DGKI: variants seen among roughly 807,000 people sequenced by gnomAD.
DGKI encodes diacylglycerol kinase iota.
A neutral mutation model predicts 147.5 loss-of-function variants in DGKI; 55 were observed. The observed-to-expected ratio is 0.37, with a 90% CI of 0.30 to 0.47. The LOEUF is 0.47. Ranked by LOEUF, DGKI falls within the 20% of genes least tolerant of loss-of-function variation. The pLI is 1.00. For missense variants in DGKI, 1,007 were observed against 1,323.8 expected (o/e 0.76, Z 3.71); for synonymous variants, 469 against 477.1 (o/e 0.98, Z 0.22).
chr7:137,580,709 G>T (rs899554539), intron 15 of DGKI, among the ~76,000 whole-genome samples: 1 of 152,094 alleles, frequency 6.6e-6, no homozygotes. Flanking sequence ...TTTTAATCCT[G>T]TAGCATCACT....
intron 1 of DGKI, among the ~76,000 whole-genome samples, chr7:137,749,467 C>A (rs1019876987): frequency 6.6e-6 from 1 of 152,162 alleles, no homozygotes; most frequent in South Asian, 2.1e-4. Context: ...CCCACCTGAT[C>A]CAGGATCTAT....
intron 6 of DGKI, among the ~76,000 whole-genome samples, chr7:137,628,086 G>A (rs911408932): frequency 2.0e-5 from 3 of 152,138 alleles, no homozygotes; most frequent in Middle Eastern, 3.4e-3. Flanking sequence ...CCACCATCTC[G>A]CCGAGAAAGC....
rs187206631 is a variant in DGKI at position 137,711,277 on chromosome 7, A to T, written c.402-21275T>A. Among the ~76,000 whole-genome samples the T allele has an allele frequency of 3.0e-3, 454 of 152,348 alleles. 1 individual carries two copies. The highest frequency in any genetic ancestry group is 1.8e-3 in the Non-Finnish European group (124 of 68,038). ...GCACCCTAGATAATCTCTGGTATAT[A>T]CACACAAGATGATAGTTAAAATATC... On this transcript the variant is annotated intron_variant, in intron 1 of 32. Transcript: ENST00000614521.
At chr7:137,592,302 A>G (rs915866111) in intron 12 of DGKI, among the ~76,000 whole-genome samples, 5 of 152,234 alleles carry the variant, frequency 3.3e-5, no homozygotes, top group Admixed American at 1.3e-4. Context: ...ATTTTCCACC[A>G]GAACTGAAGA....
intron 19 of DGKI, among the ~76,000 whole-genome samples, chr7:137,556,677 A>C (rs1585227848): frequency 6.6e-6 from 1 of 152,352 alleles, no homozygotes; most frequent in East Asian, 1.9e-4. Flanking sequence ...GGAAGACTTA[A>C]GTAAATGGAG....
At chr7:137,613,233 C>A (rs556062862) in intron 8 of DGKI, among the ~76,000 whole-genome samples, 2 of 152,220 alleles carry the variant, frequency 1.3e-5, no homozygotes, top group East Asian at 1.9e-4. Context: ...AAGTCTCCCC[C>A]CCATCATATA....
intron 31 of DGKI, 26 bp from the exon 32 acceptor site, chr7:137,395,723 C>A: frequency 6.2e-7 from 1 of 1,610,294 alleles, no homozygotes; most frequent in Non-Finnish European, 8.5e-7. Context: ...AATGGGAAAC[C>A]ACCCATAAAG....
chr7:137,519,510 C>G (rs1684434268), intron 21 of DGKI, among the ~76,000 whole-genome samples: 1 of 152,098 alleles, frequency 6.6e-6, no homozygotes, highest in African/African-American at 2.4e-5. Flanking sequence ...AGGATTCACT[C>G]TCTTTGTTCT....
chr7:137,678,544 A>C lies in DGKI; in HGVS notation c.606+13T>G. The stretch of plus-strand genomic sequence containing the variant: ...CACAGGCCTTCCCCCAGCAAGACGG[A>C]GCGCACACTCACTGCAAATCTGACT... On this transcript the variant is annotated intron_variant, in intron 3 of 32. Transcript: ENST00000614521. The C allele has an allele frequency of 6.2e-7, 1 of 1,613,440 alleles. No homozygotes were observed. Among genetic ancestry groups the C allele is most frequent in the Middle Eastern group, 1.7e-4 (1 of 6,060 alleles).
chr7:137,510,851 A>G (rs923953880), intron 21 of DGKI, among the ~76,000 whole-genome samples: 1 of 152,220 alleles, frequency 6.6e-6, no homozygotes, highest in African/African-American at 2.4e-5. Flanking sequence ...AAATGAATAA[A>G]CAAATTATAC....
intron 28 of DGKI, among the ~76,000 whole-genome samples, chr7:137,412,689 C>A (rs1812207635): frequency 6.6e-6 from 1 of 152,256 alleles, no homozygotes; most frequent in African/African-American, 2.4e-5. Context: ...ACTTTGCCCT[C>A]TTGGGATTTA....
intron 21 of DGKI, among the ~76,000 whole-genome samples, chr7:137,500,063 C>A (rs1473593973): frequency 6.6e-6 from 1 of 152,046 alleles, no homozygotes; most frequent in South Asian, 2.1e-4. Context: ...GTTACGGCAG[C>A]CAGAGCAGAC....
chr7:137,677,222 G>A (rs1219640288), intron 3 of DGKI, among the ~76,000 whole-genome samples: 1 of 152,116 alleles, frequency 6.6e-6, no homozygotes, highest in Admixed American at 6.5e-5. Flanking sequence ...AACAAAATTA[G>A]AAGAGAAGCA....
chr7:137,391,389 G>A (rs749482850), intron 32 of DGKI, 53 bp from the exon 33 acceptor site: 21 of 1,276,952 alleles, frequency 1.6e-5, no homozygotes, highest in South Asian at 7.2e-5. Context: ...AGACACAAGC[G>A]CTAGTCGTGA....
At chr7:137,842,157 T>C (rs1585558963) in intron 1 of DGKI, among the ~76,000 whole-genome samples, 1 of 152,112 alleles carries the variant, frequency 6.6e-6, no homozygotes. Context: ...AAAAACAAAA[T>C]AAAATGGATT....
At chr7:137,630,756 C>T (rs1821097951) in intron 6 of DGKI, among the ~76,000 whole-genome samples, 1 of 152,010 alleles carries the variant, frequency 6.6e-6, no homozygotes, top group Non-Finnish European at 1.5e-5. Context: ...ATAGTTAGTG[C>T]TATATTCAAT....
chr7:137,729,852 A>G (rs1406592408), intron 1 of DGKI, among the ~76,000 whole-genome samples: 1 of 152,004 alleles, frequency 6.6e-6, no homozygotes, highest in Non-Finnish European at 1.5e-5. Flanking sequence ...CATCTCCTTA[A>G]TGGTTCCATG....
intron 1 of DGKI, among the ~76,000 whole-genome samples, chr7:137,802,023 A>C (rs1444219682): frequency 6.6e-6 from 1 of 152,226 alleles, no homozygotes; most frequent in Non-Finnish European, 1.5e-5. Flanking sequence ...GTGGATAAAG[A>C]AAATGTGGTA....
chr7:137,571,430 G>A (rs834445), intron 18 of DGKI, 144 bp from the exon 19 acceptor site: 77,492 of 619,676 alleles, frequency 0.13, 9,631 homozygotes, highest in African/African-American at 0.48. Context: ...ATTAGAAAAG[G>A]AAATGCACTT....
Sources: allele counts gnomAD v4.1 joint callset (sites outside exome capture counted in the v4.1 genomes callset), GRCh38; gene constraint gnomAD v4.1.1; transcripts MANE v1.5; gene names NCBI Gene and HGNC (gene_info 2026-07-23, HGNC 2026-07-21).